UQCC1: variants seen among roughly 807,000 people sequenced by gnomAD.
The protein encoded by UQCC1 is ubiquinol-cytochrome c reductase complex assembly factor 1.
Under a neutral mutation model 48.0 loss-of-function variants are expected in UQCC1, and 38 were observed. That is an observed-to-expected ratio of 0.79 (90% CI 0.61 to 1.04). The LOEUF (loss-of-function observed/expected upper bound fraction) is 1.04. Among genes scored for constraint, UQCC1 ranks in the 50% least tolerant of loss-of-function variants. The pLI is 0.00. For synonymous variants in UQCC1, 111 were observed against 129.2 expected (o/e 0.86, Z 0.95); for missense variants, 368 against 381.8 (o/e 0.96, Z 0.30).
intron 1 of UQCC1, among the ~76,000 whole-genome samples, chr20:35,398,920 T>C (rs1395680699): frequency 6.6e-6 from 1 of 152,208 alleles, no homozygotes; most frequent in Non-Finnish European, 1.5e-5. Context: ...TACTTTTAAA[T>C]CAGTTCTTAT....
At chr20:35,339,730 A>T (rs2061357274) in intron 7 of UQCC1, among the ~76,000 whole-genome samples, 1 of 152,170 alleles carries the variant, frequency 6.6e-6, no homozygotes, top group South Asian at 2.1e-4. Context: ...ACAAAAACTC[A>T]TATAAGTTGT....
chr20:35,342,244 ATC>A (rs1354014463), intron 7 of UQCC1, among the ~76,000 whole-genome samples: 1 of 152,138 alleles, frequency 6.6e-6, no homozygotes, highest in East Asian at 1.9e-4. Context: ...ATCCCTTCCC[ATC>A]TCTGTCTTGG....
chr20:35,313,513 G>A (rs1190404296), intron 8 of UQCC1, among the ~76,000 whole-genome samples: 1 of 152,036 alleles, frequency 6.6e-6, no homozygotes, highest in Non-Finnish European at 1.5e-5. Context: ...CATAAAGAAG[G>A]AAAAGACAAA....
chr20:35,356,311 T>C (rs2061546591), intron 6 of UQCC1, among the ~76,000 whole-genome samples: 1 of 152,214 alleles, frequency 6.6e-6, no homozygotes, highest in African/African-American at 2.4e-5. Flanking sequence ...GTGAAAACTT[T>C]TGGACACCAG....
chr20:35,410,531 C>CAA (rs113085116), intron 1 of UQCC1, among the ~76,000 whole-genome samples: 1 of 119,628 alleles, frequency 8.4e-6, no homozygotes, highest in Admixed American at 8.7e-5. Context: ...GACTCCATCT[C>CAA]AAAAAAAAAA....
At chr20:35,395,511 T>TA (rs994330786) in intron 1 of UQCC1, among the ~76,000 whole-genome samples, 14 of 149,662 alleles carry the variant, frequency 9.4e-5, no homozygotes, top group South Asian at 2.1e-4. Context: ...TATAAATAAA[T>TA]AAAAAAAAAA....
chr20:35,306,809 TGAGGGATCCACA>T (rs748411744), intron 8 of UQCC1, 30 bp from the exon 9 acceptor site: 25 of 1,549,012 alleles, frequency 1.6e-5, no homozygotes, highest in African/African-American at 4.1e-5. Context: ...AGTGGTCTCC[TGAGGGATCCACA>T]GAGCCAGGAC....
At chr20:35,324,531 T>G (rs575576784) in intron 7 of UQCC1, among the ~76,000 whole-genome samples, 1 of 152,214 alleles carries the variant, frequency 6.6e-6, no homozygotes. Context: ...TTTCACCGTG[T>G]TAGCCAGGAT....
At chr20:35,371,699 GA>G (rs57335287) in intron 5 of UQCC1, among the ~76,000 whole-genome samples, 50,403 of 92,622 alleles carry the variant, frequency 0.54, 10,611 homozygotes, top group East Asian at 0.63. Context: ...GGCACTTAAA[GA>G]AAAAAAAAAA....
At chr20:35,395,117 T>G (rs1490635717) in intron 1 of UQCC1, among the ~76,000 whole-genome samples, 1 of 152,138 alleles carries the variant, frequency 6.6e-6, no homozygotes, top group East Asian at 1.9e-4. Context: ...ACCTAGAAGC[T>G]CTCCAAACCC....
intron 1 of UQCC1, among the ~76,000 whole-genome samples, chr20:35,401,516 A>T (rs1156391797): frequency 2.0e-5 from 3 of 152,108 alleles, no homozygotes; most frequent in Admixed American, 6.6e-5. Flanking sequence ...CAAATTTCTT[A>T]CCCCTCTGCA....
chr20:35,411,048 C>G (rs1194588413), intron 1 of UQCC1, among the ~76,000 whole-genome samples: 1 of 152,040 alleles, frequency 6.6e-6, no homozygotes, highest in Non-Finnish European at 1.5e-5. Context: ...CAGAAGTTAC[C>G]TAGACACAGG....
intron 1 of UQCC1, among the ~76,000 whole-genome samples, chr20:35,398,348 T>C (rs2062111606): frequency 6.6e-6 from 1 of 152,210 alleles, no homozygotes; most frequent in Non-Finnish European, 1.5e-5. Context: ...TCCCCACTTC[T>C]CAGGATTTTC....
chr20:35,310,838 G>A (rs1017584147), intron 8 of UQCC1, among the ~76,000 whole-genome samples: 10 of 145,636 alleles, frequency 6.9e-5, no homozygotes, highest in South Asian at 2.2e-4. Flanking sequence ...GACTACAGGC[G>A]CCCACCACCA....
At chr20:35,367,102 A>AC (rs1413020937) in intron 5 of UQCC1, among the ~76,000 whole-genome samples, 11 of 150,364 alleles carry the variant, frequency 7.3e-5, no homozygotes, top group Admixed American at 2.7e-4. Context: ...TAAAAAAAAA[A>AC]AAAAAAACAA....
intron 1 of UQCC1, among the ~76,000 whole-genome samples, chr20:35,397,006 TC>T (rs1398572937): frequency 2.0e-5 from 3 of 152,014 alleles, no homozygotes; most frequent in Non-Finnish European, 2.9e-5. Flanking sequence ...GGGTTCTGCA[TC>T]CATGGATTCA....
At chr20:35,350,757 T>C (rs2061481900) in intron 6 of UQCC1, among the ~76,000 whole-genome samples, 1 of 147,572 alleles carries the variant, frequency 6.8e-6, no homozygotes, top group South Asian at 2.2e-4. Context: ...TCGAAACTTG[T>C]AGGCCAGGCG....
At chr20:35,365,744 A>G (rs1168880959) in intron 6 of UQCC1, among the ~76,000 whole-genome samples, 1 of 152,168 alleles carries the variant, frequency 6.6e-6, no homozygotes, top group Non-Finnish European at 1.5e-5. Flanking sequence ...AGAGGAAGAA[A>G]CATTTCAGAG....
At chr20:35,376,695 T>A (rs1384671962) in intron 4 of UQCC1, among the ~76,000 whole-genome samples, 2 of 152,164 alleles carry the variant, frequency 1.3e-5, no homozygotes, top group African/African-American at 4.8e-5. Flanking sequence ...CCAGGCGCGG[T>A]GGCTCACACC....
Sources: gnomAD v4.1 joint callset for allele counts (sites outside exome capture counted in the v4.1 genomes callset) on GRCh38, gnomAD v4.1.1 for gene constraint, MANE v1.5 for transcripts, NCBI Gene and HGNC (gene_info 2026-07-23, HGNC 2026-07-21) for gene names.